Variants in EDNRB observed in about 807,000 individuals in gnomAD.
The protein encoded by EDNRB is endothelin receptor type B.
In EDNRB, 18 loss-of-function variants were observed where a neutral mutation model predicts 46.4. The ratio of observed to expected loss-of-function variants is 0.39; its 90% CI spans 0.27 to 0.57. The LOEUF is 0.57. Among genes scored for constraint, EDNRB ranks in the 20% least tolerant of loss-of-function variants. EDNRB has a pLI of 0.61. For missense variants in EDNRB, 434 were observed against 537.5 expected, an observed-to-expected ratio of 0.81 and a Z score of 1.90; for synonymous variants, 213 against 204.9, an observed-to-expected ratio of 1.04 and a Z score of -0.34.
At chr13:77,966,739 G>C (rs1282763059) in intron 1 of EDNRB, among the ~76,000 whole-genome samples, 3 of 152,032 alleles carry the variant, frequency 2.0e-5, no homozygotes, top group African/African-American at 7.2e-5. Context: ...ATCTGGATGG[G>C]GTTTTTGCAG....
At chr13:77,909,983 C>A (rs945185335) in intron 1 of EDNRB, among the ~76,000 whole-genome samples, 1 of 151,844 alleles carries the variant, frequency 6.6e-6, no homozygotes, top group African/African-American at 2.4e-5. Context: ...GAAAAGGTAA[C>A]GACAAAAATT....
intron 1 of EDNRB, among the ~76,000 whole-genome samples, chr13:77,960,074 A>C (rs760916190): frequency 4.6e-5 from 7 of 152,250 alleles, no homozygotes; most frequent in Non-Finnish European, 1.0e-4. Flanking sequence ...GGTGTACCTG[A>C]AAGTGATGGG....
intron 1 of EDNRB, among the ~76,000 whole-genome samples, chr13:77,935,603 T>C (rs144501827): frequency 0.014 from 2,205 of 152,196 alleles, 46 homozygotes; most frequent in East Asian, 0.024. Context: ...AGGGAGAGCA[T>C]GTGTGTGTTT....
At chr13:77,911,647 C>T (rs1275221526) in intron 1 of EDNRB, among the ~76,000 whole-genome samples, 2 of 151,974 alleles carry the variant, frequency 1.3e-5, no homozygotes, top group East Asian at 3.9e-4. Context: ...CTTCTATCTT[C>T]TCCCTTCACG....
chr13:77,901,037 C>A, intron 4 of EDNRB, 21 bp downstream of exon 4: 2 of 1,608,010 alleles, frequency 1.2e-6, no homozygotes, highest in Non-Finnish European at 1.7e-6. Context: ...CACGAGTTAT[C>A]AAATATTTGT....
intron 1 of EDNRB, among the ~76,000 whole-genome samples, chr13:77,946,587 CAGTGATTTCAACTCT>C (rs1490156320): frequency 6.6e-6 from 1 of 152,094 alleles, no homozygotes; most frequent in African/African-American, 2.4e-5. Flanking sequence ...AACCCATTTC[CAGTGATTTCAACTCT>C]ATGTTGGTGG....
At position 77,896,806 on chromosome 13, in the gene EDNRB, T is replaced by A. The variant is rs1197217876; in HGVS notation, c.*1394A>T. 4.9e-6 allele frequency: 6 copies of A among 1,226,430 alleles called. No individual in the cohort carries two copies. The East Asian group carries it at 2.7e-4, about 55-fold the overall frequency. 76.0% of individuals were successfully genotyped at this position (1,226,430 alleles called of 1,614,324 possible). A position where few individuals can be genotyped will look rare whatever the true frequency, so the allele number is the denominator to read the frequency against. On this transcript the variant is annotated 3_prime_UTR_variant, in exon 7 of 7. Transcript: ENST00000646607. ...CTCTTCCGTTTTCTCTTGTACATAC[T>A]TTCACACACATCTCATCCCAAGCTA... is the stretch of plus-strand genomic sequence containing the variant.
rs984893908 is a variant in EDNRB at position 77,897,088 on chromosome 13, T to C, written c.*1112A>G. 5.1e-6 allele frequency: 5 copies of C among 985,696 alleles called. No homozygotes were observed. The highest frequency in any genetic ancestry group is 3.5e-5 in the African/African-American group (2 of 57,224). The allele number at this position is 985,696 out of a possible 1,614,324, so 61.1% of individuals were successfully genotyped here. A position where few individuals can be genotyped will look rare whatever the true frequency, so the allele number is the denominator to read the frequency against. On this transcript the variant is annotated 3_prime_UTR_variant, in exon 7 of 7. Coordinates refer to ENST00000646607, the MANE Select transcript of EDNRB (RefSeq NM_001122659.3). ...AGCATTATACATATGCTAGAAACCA[T>C]TTTAACCACAGCATGGGTGAGAGAG... is the stretch of plus-strand genomic sequence containing the variant.
At chr13:77,909,768 T>C (rs1473164478) in intron 1 of EDNRB, among the ~76,000 whole-genome samples, 1 of 152,028 alleles carries the variant, frequency 6.6e-6, no homozygotes. Flanking sequence ...GCAGAAATCA[T>C]CTATGACAAA....
At chr13:77,928,334 ATTTGGTGAT>A (rs1880296911) in intron 1 of EDNRB, among the ~76,000 whole-genome samples, 1 of 152,178 alleles carries the variant, frequency 6.6e-6, no homozygotes, top group African/African-American at 2.4e-5. Flanking sequence ...GTAACCTGAT[ATTTGGTGAT>A]TTTGATTTTC....
intron 1 of EDNRB, among the ~76,000 whole-genome samples, chr13:77,957,728 G>A (rs1881281865): frequency 6.6e-6 from 1 of 152,170 alleles, no homozygotes; most frequent in Admixed American, 6.5e-5. Context: ...ACACTTTCAT[G>A]TGGTTTTGTT....
At chr13:77,949,170 A>G (rs1203647962) in intron 1 of EDNRB, among the ~76,000 whole-genome samples, 3 of 152,206 alleles carry the variant, frequency 2.0e-5, no homozygotes, top group African/African-American at 7.2e-5. Context: ...CAGGTATGTC[A>G]CTTAGATTTC....
intron 1 of EDNRB, chr13:77,947,618 G>A (rs896564202): frequency 3.5e-4 from 53 of 152,026 alleles, no homozygotes; most frequent in African/African-American, 1.2e-3. Flanking sequence ...CTCTCCTTAG[G>A]CAATCTCCTG....
Position 77,903,292 on chromosome 13 carries a change from A to G in EDNRB, c.665T>C (p.Ile222Thr), listed in dbSNP as rs1879097832. The stretch of plus-strand genomic sequence containing the variant: ...CACAGAGACCACCCAAATCAAAACA[A>G]TTTCTACTGCTGTCCATTTTGGAAC... ...IGVPKWTAVE[I>T]VLIWVVSVVL... The change falls in exon 3 of 7, where the codon ATT becomes ACT. Residue 222 changes from isoleucine to threonine, a missense_variant. Coordinates refer to ENST00000646607, the MANE Select transcript of EDNRB (RefSeq NM_001122659.3). 1 of 1,612,962 alleles carries G rather than the reference A, an allele frequency of 6.2e-7. No individual in the cohort carries two copies. The highest frequency in any genetic ancestry group is 8.5e-7 in the Non-Finnish European group (1 of 1,179,334).
Position 77,896,920 on chromosome 13 carries a change from C to T in EDNRB, c.*1280G>A. 1 of 994,586 alleles carries T rather than the reference C, an allele frequency of 1.0e-6. No homozygotes were observed. Among genetic ancestry groups the T allele is most frequent in the African/African-American group, 1.7e-5 (1 of 57,620 alleles). 61.6% of individuals were successfully genotyped at this position (994,586 alleles called of 1,614,324 possible). On this transcript the variant is annotated 3_prime_UTR_variant, in exon 7 of 7. Coordinates refer to ENST00000646607, the MANE Select transcript of EDNRB (RefSeq NM_001122659.3). ...TTACGGTCTCAAAAAGCAGTTTTGC[C>T]TCTAGATGAAAGAAAAGCACCATGT...
In EDNRB at chr13:77,900,404, A is replaced by C. The variant is rs761636952; in HGVS notation, c.1085+117T>G. The C allele has an allele frequency of 5.9e-5, 88 of 1,479,558 alleles. No individual in the cohort carries two copies. Among genetic ancestry groups the C allele is most frequent in the Non-Finnish European group, 7.5e-5 (81 of 1,075,632 alleles). The allele number at this position is 1,479,558 out of a possible 1,614,324, so 91.7% of individuals were successfully genotyped here. On this transcript the variant is annotated intron_variant, in intron 5 of 6. Transcript: ENST00000646607. ...CCTCAGATAAAAATTGGGAGTCTCC[A>C]TGACTTCCTAAGGGTTAGAAAAATG...
chr13:77,951,864 C>T lies in EDNRB; in HGVS notation c.-52+23483G>A, dbSNP rs1277242705. ...CTCTAACCCAATCCCATTCTTTACT[C>T]AAGTATGCACCCCACTTACCCAAAG... On this transcript the variant is annotated intron_variant, in intron 1 of 7. Coordinates refer to the EDNRB transcript ENST00000646948. Among the ~76,000 whole-genome samples, 3 of 152,132 alleles carry T rather than the reference C, an allele frequency of 2.0e-5. No individual in the cohort carries two copies. The East Asian group carries it at 5.8e-4, about 29-fold the overall frequency.
chr13:77,969,779 G>A (rs932776483), intron 1 of EDNRB, among the ~76,000 whole-genome samples: 1 of 152,150 alleles, frequency 6.6e-6, no homozygotes, highest in Non-Finnish European at 1.5e-5. Flanking sequence ...ACTAGTAGTT[G>A]TGCTGTACAT....
At position 77,918,464 on chromosome 13, in the gene EDNRB, G is replaced by A. The variant is rs1288505904; in HGVS notation, c.110C>T (p.Thr37Ile). Residue 37 changes from threonine (T) to isoleucine (I), a missense_variant, in exon 1 of 7, where the codon ACT becomes ATT. Thr to Ile is a moderately conservative substitution (Grantham distance 89). Transcript: ENST00000646607. The surrounding 1 kb of genome is among the most constrained non-coding windows in gnomAD (Gnocchi z 4.5). ...EERGFPPDRATPLLQTAEIMT... is the reference protein window; with the variant it reads ...EERGFPPDRAIPLLQTAEIMT... The stretch of plus-strand genomic sequence containing the variant: ...TATCTCTGCGGTTTGCAAAAGCGGA[G>A]TGGCCCTGTCAGGCGGGAAGCCTCT... 1.3e-6 allele frequency: 2 copies of A among 1,562,758 alleles called. No individual in the cohort carries two copies. Among genetic ancestry groups the A allele is most frequent in the Admixed American group, 1.9e-5 (1 of 52,016 alleles).
Sources: allele counts gnomAD v4.1 joint callset (sites outside exome capture counted in the v4.1 genomes callset), GRCh38; gene constraint gnomAD v4.1.1; non-coding constraint Gnocchi (gnomAD v3.1); transcripts MANE v1.5; gene names NCBI Gene and HGNC (gene_info 2026-07-23, HGNC 2026-07-21).